AHNAK2: variants seen among roughly 807,000 people sequenced by gnomAD.
AHNAK2 encodes AHNAK nucleoprotein 2, also known as protein AHNAK2.
In AHNAK2, 18 loss-of-function variants were observed where a neutral mutation model predicts 30.7. The ratio of observed to expected loss-of-function variants is 0.59; its 90% CI spans 0.41 to 0.87. AHNAK2 has a LOEUF of 0.87. Ranked by LOEUF, AHNAK2 falls within the 40% of genes least tolerant of loss-of-function variation. AHNAK2 has a pLI of 0.00. For missense variants in AHNAK2, 8,604 were observed against 7,373.0 expected, an observed-to-expected ratio of 1.17 and a Z score of -6.11; for synonymous variants, 3,590 against 3,073.8, an observed-to-expected ratio of 1.17 and a Z score of -5.56.
rs370457636 is a variant in AHNAK2, at chr14:104,950,834, A to C, written c.4617T>G (p.Thr1539=). The part of the protein sequence containing the change: ...LPSMQGDLKA[T]DLSIQPPSAD... ...CAGAAGGGGGCTGTATGCTCAGGTC[A>C]GTGGCCTTGAGGTCCCCCTGCATGG... is the stretch of plus-strand genomic sequence containing the variant. The change falls in exon 7 of 7, where the codon ACT becomes ACG. Residue 1539 remains threonine, a synonymous_variant. Coordinates refer to ENST00000333244, the MANE Select transcript of AHNAK2 (RefSeq NM_138420.4). 401 of 1,584,758 alleles carry C rather than the reference A, an allele frequency of 2.5e-4. 31 individuals carry two copies. The East Asian group carries it at 2.9e-3, about 11-fold the overall frequency.
At chr14:104,961,679 A>G (rs1899153857) in intron 1 of AHNAK2, among the ~76,000 whole-genome samples, 2 of 152,122 alleles carry the variant, frequency 1.3e-5, no homozygotes, top group Non-Finnish European at 2.9e-5. Flanking sequence ...AGTGGAACCA[A>G]AATGGAATGC....
chr14:104,974,900 C>T (rs1000442358), intron 1 of AHNAK2, among the ~76,000 whole-genome samples: 2 of 152,234 alleles, frequency 1.3e-5, no homozygotes, highest in African/African-American at 4.8e-5. Flanking sequence ...CCTTTCCTCC[C>T]CAGCACCTAT....
chr14:104,944,843 T>C lies in AHNAK2; in HGVS notation c.10608A>G (p.Gln3536=), dbSNP rs116922515. The C allele has an allele frequency of 3.8e-4, 616 of 1,610,240 alleles. No individual in the cohort carries two copies. In the African/African-American group the frequency reaches 6.8e-3, roughly 18 times the overall value. The change falls in exon 7 of 7, where the codon CAA becomes CAG. Residue 3536 remains glutamine (Q), a synonymous_variant. Coordinates refer to ENST00000333244, the MANE Select transcript of AHNAK2 (RefSeq NM_138420.4). ...GGCCCTCCAGGAGTTCCACATCCAC[T>C]TGGACAGCCTGGACCTCCAGGTCAG... ...PSADLEVQAV[Q]VDVELLEGPV...
chr14:104,976,007 A>T (rs1404584925), intron 1 of AHNAK2, among the ~76,000 whole-genome samples: 1 of 151,920 alleles, frequency 6.6e-6, no homozygotes, highest in African/African-American at 2.4e-5. Flanking sequence ...ACATCTTCGC[A>T]TGGTATCACC....
rs2140814007 is a variant in AHNAK2 at position 104,938,752 on chromosome 14, G to A, written c.16699C>T (p.Gln5567Ter). 2 of 1,613,952 alleles carry A rather than the reference G, an allele frequency of 1.2e-6. No homozygotes were observed. The highest frequency in any genetic ancestry group is 1.3e-5 in the African/African-American group (1 of 75,060). ...PGVDSISGDL[Q>*]PDTGEPFEMI... ...TCAAATGGTTCTCCAGTGTCAGGCT[G>A]GAGATCTCCAGAAATGGAGTCTACT... The change falls in exon 7 of 7, where the codon CAG (glutamine) becomes TAG (stop). Residue 5567 changes from glutamine to a stop codon, truncating the protein, a stop_gained. Coordinates refer to ENST00000333244, the MANE Select transcript of AHNAK2 (RefSeq NM_138420.4). LOFTEE classifies it low-confidence loss of function (END_TRUNC).
In AHNAK2 at chr14:104,948,167, C is replaced by T. The variant is rs1898409382; in HGVS notation, c.7284G>A (p.Leu2428=). ...GPQIDVKGPK[L]DLKGPKTDVM... The stretch of plus-strand genomic sequence containing the variant: ...CGTCCGTCTTGGGGCCTTTCAGGTC[C>T]AGCTTGGGGCCCTTGACATCTATCT... Residue 2428 remains leucine, a synonymous_variant, in exon 7 of 7, where the codon CTG becomes CTA. Coordinates refer to ENST00000333244, the MANE Select transcript of AHNAK2 (RefSeq NM_138420.4). The T allele has an allele frequency of 1.2e-6, 2 of 1,612,596 alleles. No homozygotes were observed. Among genetic ancestry groups the T allele is most frequent in the Non-Finnish European group, 1.7e-6 (2 of 1,179,580 alleles).
rs758834725 is a variant in AHNAK2, at chr14:104,950,516, G to A, written c.4935C>T (p.Ser1645=). The part of the protein sequence containing the change: ...LDGAQLEGDL[S]LADKAVTAKD... ...TGGCAGTCACCGCCTTGTCGGCCAG[G>A]GACAGGTCCCCCTCCAGCTGCGCAC... The change falls in exon 7 of 7, where the codon TCC becomes TCT. Residue 1645 remains serine (S), a synonymous_variant. Coordinates refer to ENST00000333244, the MANE Select transcript of AHNAK2 (RefSeq NM_138420.4). 2 of 1,586,928 alleles carry A rather than the reference G, an allele frequency of 1.3e-6. No homozygotes were observed. Among genetic ancestry groups the A allele is most frequent in the South Asian group, 2.2e-5 (2 of 89,646 alleles).
Position 104,944,357 on chromosome 14 carries a change from C to T in AHNAK2, c.11094G>A (p.Gln3698=). Residue 3698 remains glutamine, a synonymous_variant, in exon 7 of 7, where the codon CAG becomes CAA. Transcript: ENST00000333244. ...IQPPSADLKV[Q]AGQMDVKLPE... ...GGAGCTTCACATCCATCTGGCCAGC[C>T]TGGACCTTCAGGTCGGCAGAAGGGG... 1 of 1,612,106 alleles carries T rather than the reference C, an allele frequency of 6.2e-7. No individual in the cohort carries two copies. The highest frequency in any genetic ancestry group is 1.1e-5 in the South Asian group (1 of 90,966).
Position 104,954,101 on chromosome 14 carries a change from A to C in AHNAK2, c.1350T>G (p.Gly450=), listed in dbSNP as rs1595422583. The change falls in exon 7 of 7, where the codon GGT becomes GGG. Residue 450 remains glycine (G), a synonymous_variant. Coordinates refer to ENST00000333244, the MANE Select transcript of AHNAK2 (RefSeq NM_138420.4). This position sits in a 1 kb window ranked among gnomAD's most constrained non-coding sequence, Gnocchi z 4.3. ...AQPTPGMSRE[G]EGEGLQSLEI... ...CCAGGCTCTGCAGTCCCTCGCCTTC[A>C]CCCTCCCGGCTCATTCCAGGAGTTG... 1 of 1,611,678 alleles carries C rather than the reference A, an allele frequency of 6.2e-7. No homozygotes were observed. The highest frequency in any genetic ancestry group is 2.2e-5 in the East Asian group (1 of 44,832).
chr14:104,955,726 C>A, intron 4 of AHNAK2, 93 bp from the exon 5 acceptor site: 1 of 1,466,796 alleles, frequency 6.8e-7, no homozygotes, highest in South Asian at 1.4e-5. Flanking sequence ...GGATGGGCAC[C>A]CCACCATCCT....
At position 104,952,288 on chromosome 14, in the gene AHNAK2, G is replaced by A; in HGVS notation, c.3163C>T (p.Leu1055=). ...DLSIQPASTD[L]KVQADQVDVK... is the part of the protein sequence containing the mutation. ...TCCACCTGGTCAGCCTGGACCTTCA[G>A]GTCAGTAGAAGCAGGCTGAATGCTG... The change falls in exon 7 of 7, where the codon CTG becomes TTG. Residue 1055 remains leucine (L), a synonymous_variant. Coordinates refer to ENST00000333244, the MANE Select transcript of AHNAK2 (RefSeq NM_138420.4). 1 of 1,612,538 alleles carries A rather than the reference G, an allele frequency of 6.2e-7. No individual in the cohort carries two copies. Among genetic ancestry groups the A allele is most frequent in the African/African-American group, 1.3e-5 (1 of 74,364 alleles).
intron 1 of AHNAK2, among the ~76,000 whole-genome samples, chr14:104,973,122 C>A (rs1899515322): frequency 6.6e-6 from 1 of 152,232 alleles, no homozygotes; most frequent in South Asian, 2.1e-4. Flanking sequence ...AGTGGTCAGG[C>A]AGGTGTCTGA....
intron 4 of AHNAK2, 44 bp from the exon 5 acceptor site, chr14:104,955,677 C>G (rs1432831566): frequency 6.3e-7 from 1 of 1,595,850 alleles, no homozygotes; most frequent in Admixed American, 1.7e-5. Flanking sequence ...ATGTGCCAGT[C>G]CCACCATAAG....
Position 104,940,844 on chromosome 14 carries a change from C to A in AHNAK2, c.14607G>T (p.Lys4869Asn), listed in dbSNP as rs751493844. 1.2e-6 allele frequency: 2 copies of A among 1,612,956 alleles called. No individual in the cohort carries two copies. Among genetic ancestry groups the A allele is most frequent in the African/African-American group, 2.7e-5 (2 of 74,912 alleles). The change falls in exon 7 of 7, where the codon AAG becomes AAT. Residue 4869 changes from lysine to asparagine, a missense_variant. Transcript: ENST00000333244. This position sits in a 1 kb window ranked among gnomAD's most constrained non-coding sequence, Gnocchi z 4.4. ...QVSFPKFYKPKFVFSVPQMAV... is the reference protein window; with the variant it reads ...QVSFPKFYKPNFVFSVPQMAV... The stretch of plus-strand genomic sequence containing the variant: ...CCATTTGGGGGACTGAAAACACAAA[C>A]TTTGGTTTATAGAATTTAGGAAAAG...
At chr14:104,967,572 C>A (rs536090078) in intron 1 of AHNAK2, among the ~76,000 whole-genome samples, 29 of 152,308 alleles carry the variant, frequency 1.9e-4, no homozygotes, top group Admixed American at 1.6e-3. Flanking sequence ...TGCCACTGGC[C>A]CACGCGGGAC....
At position 104,940,019 on chromosome 14, in the gene AHNAK2, G is replaced by A; in HGVS notation, c.15432C>T (p.Ser5144=). 1 of 1,610,974 alleles carries A rather than the reference G, an allele frequency of 6.2e-7. No individual in the cohort carries two copies. The highest frequency in any genetic ancestry group is 8.5e-7 in the Non-Finnish European group (1 of 1,178,396). ...GGGCTATCCCCTCCCCACAAGGCTGGCTCACTGGGACATCCCCGAGCCCAC... is the reference window on the plus strand; with the variant it reads ...GGGCTATCCCCTCCCCACAAGGCTGACTCACTGGGACATCCCCGAGCCCAC... ...RGCGLGDVPV[S]QPCGEGIAPT... is the part of the protein sequence containing the mutation. The change falls in exon 7 of 7, where the codon AGC becomes AGT. Residue 5144 remains serine, a synonymous_variant. Coordinates refer to ENST00000333244, the MANE Select transcript of AHNAK2 (RefSeq NM_138420.4). The surrounding 1 kb of genome is among the most constrained non-coding windows in gnomAD (Gnocchi z 4.4).
In AHNAK2 at chr14:104,954,250, C is replaced by T; in HGVS notation, c.1201G>A (p.Asp401Asn). 1 of 1,612,786 alleles carries T rather than the reference C, an allele frequency of 6.2e-7. No homozygotes were observed. ...QSMPLPTELG[D>N]PRLCEGTPQE... ...GGGGTTCCCTCGCAAAGTCTAGGGT[C>T]ACCGAGCTCTGTGGGCAATGGCATG... Residue 401 changes from aspartate (D) to asparagine (N), a missense_variant, in exon 7 of 7, where the codon GAC (aspartate) becomes AAC (asparagine). Physicochemically the swap from Asp to Asn is conservative, Grantham distance 23. Coordinates refer to ENST00000333244, the MANE Select transcript of AHNAK2 (RefSeq NM_138420.4). This position sits in a 1 kb window ranked among gnomAD's most constrained non-coding sequence, Gnocchi z 4.3.
rs746667671 is a variant in AHNAK2 at position 104,940,185 on chromosome 14, C to A, written c.15266G>T (p.Arg5089Leu). ...ATGSEGVNLHRPQVHIPSLGF... is the reference protein window; with the variant it reads ...ATGSEGVNLHLPQVHIPSLGF... ...CAAACTGGGAATGTGGACCTGTGGC[C>A]GGTGGAGGTTCACACCCTCACTTCC... The change falls in exon 7 of 7, where the codon CGG (arginine) becomes CTG (leucine). Residue 5089 changes from arginine (R) to leucine (L), a missense_variant. Arg to Leu is a moderately radical substitution (Grantham distance 102). Transcript: ENST00000333244. This position sits in a 1 kb window ranked among gnomAD's most constrained non-coding sequence, Gnocchi z 4.4. The A allele has an allele frequency of 6.2e-7, 1 of 1,613,460 alleles. No individual in the cohort carries two copies. Among genetic ancestry groups the A allele is most frequent in the Admixed American group, 1.7e-5 (1 of 60,010 alleles).
In AHNAK2 at chr14:104,943,651, C is replaced by A. The variant is rs146811372; in HGVS notation, c.11800G>T (p.Val3934Leu). ...APDVEVSLPS[V>L]EVDVEAPGAK... Reference sequence around the variant, plus strand: ...CCTGGGGCCTCGACGTCCACCTCCACGCTGGGCAGAGAAACCTCCACATCA... The same window carrying A: ...CCTGGGGCCTCGACGTCCACCTCCAAGCTGGGCAGAGAAACCTCCACATCA... Residue 3934 changes from valine to leucine, a missense_variant, in exon 7 of 7, where the codon GTG becomes TTG. Physicochemically the swap from Val to Leu is conservative, Grantham distance 32. Coordinates refer to ENST00000333244, the MANE Select transcript of AHNAK2 (RefSeq NM_138420.4). 7 of 1,612,830 alleles carry A rather than the reference C, an allele frequency of 4.3e-6. No homozygotes were observed. The highest frequency in any genetic ancestry group is 5.9e-6 in the Non-Finnish European group (7 of 1,179,546).
Sources: allele counts gnomAD v4.1 joint callset (sites outside exome capture counted in the v4.1 genomes callset), GRCh38; gene constraint gnomAD v4.1.1; non-coding constraint Gnocchi (gnomAD v3.1); transcripts MANE v1.5; gene names NCBI Gene and HGNC (gene_info 2026-07-23, HGNC 2026-07-21).